The following ZMYND8 variants were observed in gnomAD, a reference collection of about 807,000 sequenced individuals.
ZMYND8 encodes the protein MYND-type zinc finger-containing chromatin reader ZMYND8.
ZMYND8 carries 37 observed loss-of-function variants against 140.8 expected under a neutral mutation model. That is an observed-to-expected ratio of 0.26 (90% CI 0.20 to 0.35). The LOEUF is 0.35. Among genes scored for constraint, ZMYND8 ranks in the 10% least tolerant of loss-of-function variants. The pLI is 1.00. For synonymous variants in ZMYND8, 592 were observed against 597.1 expected (o/e 0.99, Z 0.12); for missense variants, 1,068 against 1,570.0 (o/e 0.68, Z 5.40).
chr20:47,220,828 A>G (rs2146922883), intron 20 of ZMYND8, among the ~76,000 whole-genome samples: 1 of 152,338 alleles, frequency 6.6e-6, no homozygotes, highest in African/African-American at 2.4e-5. Flanking sequence ...TAGTCTTTGC[A>G]TACCATCAAT....
At chr20:47,262,205 G>GA in intron 12 of ZMYND8, 83 bp downstream of exon 12, 1 of 1,586,110 alleles carries the variant, frequency 6.3e-7, no homozygotes, top group Non-Finnish European at 8.6e-7. Flanking sequence ...GAAGGTTCAA[G>GA]AACCACATAC....
At chr20:47,316,330 C>CAAAA (rs796788882) in intron 2 of ZMYND8, among the ~76,000 whole-genome samples, 2 of 93,132 alleles carry the variant, frequency 2.1e-5, no homozygotes, top group Non-Finnish European at 4.7e-5. Context: ...GACTTTGTCT[C>CAAAA]AAAAAAAAAA....
At chr20:47,224,699 A>G (rs1021854282) in intron 18 of ZMYND8, 143 bp from the exon 19 acceptor site, 1 of 1,420,140 alleles carries the variant, frequency 7.0e-7, no homozygotes, top group African/African-American at 1.4e-5. Flanking sequence ...GCAATAACCT[A>G]GCCCGAGTCT....
chr20:47,251,375 CAGG>C (rs1234676770), intron 12 of ZMYND8, among the ~76,000 whole-genome samples: 2 of 152,040 alleles, frequency 1.3e-5, no homozygotes, highest in Non-Finnish European at 2.9e-5. Context: ...TGCTTGAGGC[CAGG>C]AGTTCGAGAC....
At chr20:47,294,476 C>T (rs925450568) in intron 5 of ZMYND8, among the ~76,000 whole-genome samples, 190 bp downstream of exon 5, 1 of 152,122 alleles carries the variant, frequency 6.6e-6, no homozygotes, top group Non-Finnish European at 1.5e-5. Flanking sequence ...CTGGGACATA[C>T]AGTGCTTACT....
intron 3 of ZMYND8, among the ~76,000 whole-genome samples, chr20:47,299,904 C>T (rs914620188): frequency 4.6e-5 from 7 of 152,130 alleles, no homozygotes; most frequent in Admixed American, 2.6e-4. Flanking sequence ...TTTAAGTTTA[C>T]CCCCAATACA....
At chr20:47,217,128 TG>T (rs897431070) in intron 21 of ZMYND8, among the ~76,000 whole-genome samples, 1 of 151,848 alleles carries the variant, frequency 6.6e-6, no homozygotes, top group Non-Finnish European at 1.5e-5. Context: ...GAAATTAAGC[TG>T]GGTAAGGAGG....
chr20:47,299,041 A>G (rs2148060819), intron 3 of ZMYND8, 94 bp from the exon 4 acceptor site: 2 of 1,193,148 alleles, frequency 1.7e-6, no homozygotes, highest in East Asian at 2.4e-5. Context: ...ACAAAAGAAA[A>G]TAACAGCATT....
chr20:47,238,662 A>T (rs2039556353), intron 15 of ZMYND8, 96 bp downstream of exon 15: 19 of 1,529,780 alleles, frequency 1.2e-5, no homozygotes, highest in Non-Finnish European at 1.7e-5. Context: ...AACAAACGAG[A>T]ACTAAAAAAA....
chr20:47,344,423 C>T (rs1474656719), intron 2 of ZMYND8, among the ~76,000 whole-genome samples: 1 of 152,130 alleles, frequency 6.6e-6, no homozygotes, highest in Non-Finnish European at 1.5e-5. Flanking sequence ...ATACAAATCC[C>T]AATTGACAGG....
At position 47,224,218 on chromosome 20, in the gene ZMYND8, C is replaced by T. The variant is rs574900003; in HGVS notation, c.3256+99G>A. The T allele has an allele frequency of 4.0e-4, 615 of 1,546,770 alleles. 4 individuals carry two copies. Among genetic ancestry groups the T allele is most frequent in the Middle Eastern group, 4.5e-4 (2 of 4,480 alleles). On this transcript the variant is annotated intron_variant, in intron 19 of 22. Coordinates refer to ENST00000471951, the MANE Select transcript of ZMYND8 (RefSeq NM_001281775.3). ...TGAAAGTGTCCAGAAGCCAGGCAAG[C>T]TCCCTTGACAATTAGCCCTGAGACC...
chr20:47,240,515 AAAT>A (rs778840988), intron 14 of ZMYND8, among the ~76,000 whole-genome samples: 9 of 151,958 alleles, frequency 5.9e-5, no homozygotes, highest in East Asian at 1.9e-4. Flanking sequence ...CTCCGTCTCA[AAAT>A]AATAATAATA....
chr20:47,283,429 G>A lies in ZMYND8; in HGVS notation c.882+142C>T, dbSNP rs2076730154. 3 of 796,492 alleles carry A rather than the reference G, an allele frequency of 3.8e-6. No individual in the cohort carries two copies. In the Admixed American group the frequency reaches 7.2e-5, roughly 19 times the overall value. 49.3% of individuals were successfully genotyped at this position (796,492 alleles called of 1,614,324 possible). ...ATCCTACCTGGATTACTTTCCTTCT[G>A]CCATAATTTTATCAGCAAAAAATTA... On this transcript the variant is annotated intron_variant, in intron 9 of 22. Coordinates refer to ENST00000471951, the MANE Select transcript of ZMYND8 (RefSeq NM_001281775.3).
At chr20:47,308,923 A>T (rs2078705215) in intron 3 of ZMYND8, among the ~76,000 whole-genome samples, 1 of 152,172 alleles carries the variant, frequency 6.6e-6, no homozygotes, top group South Asian at 2.1e-4. Context: ...TCAATAATGC[A>T]CAAAGTGGAT....
At chr20:47,341,863 C>T (rs62203064) in intron 2 of ZMYND8, among the ~76,000 whole-genome samples, 7 of 152,002 alleles carry the variant, frequency 4.6e-5, no homozygotes, top group Non-Finnish European at 1.0e-4. Flanking sequence ...ATTAGCCGGG[C>T]GTGGTGGCGG....
At chr20:47,246,632 C>A (rs755215555) in intron 13 of ZMYND8, 115 bp from the exon 14 acceptor site, 5 of 1,411,922 alleles carry the variant, frequency 3.5e-6, no homozygotes, top group Admixed American at 5.4e-5. Context: ...CGTTTCAAAT[C>A]GCATCACATT....
At chr20:47,311,280 C>A (rs1384180452) in intron 2 of ZMYND8, among the ~76,000 whole-genome samples, 1 of 152,104 alleles carries the variant, frequency 6.6e-6, no homozygotes, top group Non-Finnish European at 1.5e-5. Context: ...TGTTCATGCA[C>A]CCCTTCTTTT....
At chr20:47,280,231 G>A (rs1036279280) in intron 10 of ZMYND8, among the ~76,000 whole-genome samples, 1 of 151,712 alleles carries the variant, frequency 6.6e-6, no homozygotes, top group Admixed American at 6.6e-5. Flanking sequence ...GGAAGGTCCT[G>A]AACAACTCCC....
intron 14 of ZMYND8, among the ~76,000 whole-genome samples, chr20:47,245,723 C>T (rs1424905197): frequency 6.6e-6 from 1 of 152,178 alleles, no homozygotes; most frequent in Non-Finnish European, 1.5e-5. Flanking sequence ...CTAAAAGTAA[C>T]CATCATTTTC....
Sources: allele counts gnomAD v4.1 joint callset (sites outside exome capture counted in the v4.1 genomes callset), GRCh38; gene constraint gnomAD v4.1.1; transcripts MANE v1.5; gene names NCBI Gene and HGNC (gene_info 2026-07-23, HGNC 2026-07-21).